The following NDUFS4 variants were observed in gnomAD, a reference collection of about 807,000 sequenced individuals.
NDUFS4 encodes NADH:ubiquinone oxidoreductase subunit S4.
NDUFS4 carries 28 observed loss-of-function variants against 24.3 expected under a neutral mutation model. That is an observed-to-expected ratio of 1.15 (90% CI 0.85 to 1.58). The LOEUF is 1.58. Among genes scored for constraint, NDUFS4 ranks in the 40% most tolerant of loss-of-function variants. The pLI, the probability that NDUFS4 is intolerant of heterozygous loss-of-function variation, is 0.00. For synonymous variants in NDUFS4, 93 were observed against 69.7 expected (o/e 1.34, Z -1.67); for missense variants, 223 against 207.9 (o/e 1.07, Z -0.45).
intron 2 of NDUFS4, among the ~76,000 whole-genome samples, chr5:53,619,164 T>C (rs1014070344): frequency 1.3e-5 from 2 of 149,634 alleles, no homozygotes; most frequent in African/African-American, 4.9e-5. Flanking sequence ...TAGTAAGGCA[T>C]AGACATATCA....
At chr5:53,565,256 A>G (rs1748982086) in intron 1 of NDUFS4, among the ~76,000 whole-genome samples, 1 of 152,374 alleles carries the variant, frequency 6.6e-6, no homozygotes, top group Admixed American at 6.5e-5. Flanking sequence ...ATATAAATTG[A>G]GTGAAAAATA....
At chr5:53,628,094 C>T (rs1751285918) in intron 2 of NDUFS4, among the ~76,000 whole-genome samples, 2 of 152,176 alleles carry the variant, frequency 1.3e-5, no homozygotes, top group East Asian at 1.9e-4. Flanking sequence ...GCATGAAGGG[C>T]TGTTGAATTT....
intron 4 of NDUFS4, among the ~76,000 whole-genome samples, chr5:53,661,267 C>G (rs1394436985): frequency 2.6e-5 from 4 of 152,134 alleles, no homozygotes; most frequent in African/African-American, 9.7e-5. Flanking sequence ...AATCCTTTCC[C>G]CATTGCTTGT....
At chr5:53,601,257 C>T (rs538185200) in intron 1 of NDUFS4, among the ~76,000 whole-genome samples, 3 of 152,224 alleles carry the variant, frequency 2.0e-5, no homozygotes, top group South Asian at 2.1e-4. Context: ...CCCGCCTCAG[C>T]CTCCCAAAGT....
At chr5:53,609,546 C>T (rs1750634503) in intron 2 of NDUFS4, among the ~76,000 whole-genome samples, 1 of 152,146 alleles carries the variant, frequency 6.6e-6, no homozygotes, top group Non-Finnish European at 1.5e-5. Flanking sequence ...CTAGGGTTTT[C>T]AGAATGGTCA....
At chr5:53,660,253 CT>C (rs1315317109) in intron 4 of NDUFS4, among the ~76,000 whole-genome samples, 1 of 149,796 alleles carries the variant, frequency 6.7e-6, no homozygotes, top group African/African-American at 2.5e-5. Context: ...GCGGTGTTTG[CT>C]TTTTTTGTCC....
intron 2 of NDUFS4, among the ~76,000 whole-genome samples, chr5:53,604,178 T>C (rs1012485068): frequency 3.3e-5 from 5 of 152,244 alleles, no homozygotes; most frequent in Non-Finnish European, 5.9e-5. Context: ...CATTTTGTAA[T>C]GTTTCCAAAA....
At chr5:53,635,421 G>A (rs2607510) in intron 2 of NDUFS4, among the ~76,000 whole-genome samples, 39,103 of 151,796 alleles carry the variant, frequency 0.26, 6,718 homozygotes, top group African/African-American at 0.48. Context: ...TCAGGAGGCT[G>A]AGGTGGTATG....
At chr5:53,667,339 C>A (rs925060750) in intron 4 of NDUFS4, among the ~76,000 whole-genome samples, 1 of 152,082 alleles carries the variant, frequency 6.6e-6, no homozygotes, top group Non-Finnish European at 1.5e-5. Flanking sequence ...GTGGCACATG[C>A]CTGTAATCCC....
Position 53,646,257 on chromosome 5 carries a change from C to G in NDUFS4, c.202C>G (p.Pro68Ala). Residue 68 changes from proline (P) to alanine (A), a missense_variant, in exon 3 of 5, where the codon CCA becomes GCA. Coordinates refer to ENST00000296684, the MANE Select transcript of NDUFS4 (RefSeq NM_002495.4). The stretch of plus-strand genomic sequence containing the variant: ...GGATATCACTACTTTAACTGGAGTT[C>G]CAGAAGAGCATATAAAAACTAGAAA... ...KLDITTLTGV[P>A]EEHIKTRKVR... The G allele has an allele frequency of 6.2e-7, 1 of 1,611,806 alleles. No homozygotes were observed. Among genetic ancestry groups the G allele is most frequent in the Non-Finnish European group, 8.5e-7 (1 of 1,178,560 alleles).
intron 2 of NDUFS4, among the ~76,000 whole-genome samples, chr5:53,642,425 G>A (rs1259081479): frequency 6.6e-6 from 1 of 152,048 alleles, no homozygotes; most frequent in African/African-American, 2.4e-5. Context: ...GGCAGATGAC[G>A]GACAATGATG....
At chr5:53,669,611 C>T (rs1752610128) in intron 4 of NDUFS4, among the ~76,000 whole-genome samples, 1 of 151,924 alleles carries the variant, frequency 6.6e-6, no homozygotes, top group African/African-American at 2.4e-5. Flanking sequence ...TCTCTTTTAC[C>T]TTTTTTGTAC....
At chr5:53,645,398 A>G (rs1159796939) in intron 2 of NDUFS4, among the ~76,000 whole-genome samples, 1 of 152,096 alleles carries the variant, frequency 6.6e-6, no homozygotes, top group African/African-American at 2.4e-5. Flanking sequence ...ATGGAACACT[A>G]GGAATAAATA....
At chr5:53,675,293 G>A (rs1293670238) in intron 4 of NDUFS4, among the ~76,000 whole-genome samples, 1 of 151,598 alleles carries the variant, frequency 6.6e-6, no homozygotes, top group East Asian at 2.0e-4. Context: ...CTCCCGAGGA[G>A]CTGGGACTAC....
chr5:53,629,359 ATT>A (rs1751329653), intron 2 of NDUFS4, among the ~76,000 whole-genome samples: 1 of 152,090 alleles, frequency 6.6e-6, no homozygotes, highest in African/African-American at 2.4e-5. Flanking sequence ...TATTCTATTG[ATT>A]TGGGGTGGGG....
intron 2 of NDUFS4, among the ~76,000 whole-genome samples, chr5:53,614,471 C>T (rs1369818516): frequency 6.6e-6 from 1 of 151,920 alleles, no homozygotes; most frequent in African/African-American, 2.4e-5. Context: ...TCTCTATTAT[C>T]TGTGATTCTT....
At chr5:53,660,562 G>T (rs1323701605) in intron 4 of NDUFS4, among the ~76,000 whole-genome samples, 1 of 152,122 alleles carries the variant, frequency 6.6e-6, no homozygotes, top group Admixed American at 6.5e-5. Flanking sequence ...CTAGATGCCT[G>T]AGGAATTGCC....
chr5:53,612,849 C>T (rs1214260729), intron 2 of NDUFS4, among the ~76,000 whole-genome samples: 2 of 151,992 alleles, frequency 1.3e-5, no homozygotes, highest in African/African-American at 2.4e-5. Context: ...TTTTATTACT[C>T]GAACTTATTC....
At chr5:53,591,460 T>TTGG (rs1256312495) in intron 1 of NDUFS4, among the ~76,000 whole-genome samples, 5 of 45,416 alleles carry the variant, frequency 1.1e-4, no homozygotes, top group African/African-American at 3.8e-4. Context: ...TTTGTTTTTT[T>TTGG]TGGGGGGGGG....
Sources: allele counts gnomAD v4.1 joint callset (sites outside exome capture counted in the v4.1 genomes callset), GRCh38; gene constraint gnomAD v4.1.1; transcripts MANE v1.5; gene names NCBI Gene and HGNC (gene_info 2026-07-23, HGNC 2026-07-21).